Variants in HS6ST2 observed in about 807,000 individuals in gnomAD.
HS6ST2 encodes heparan-sulfate 6-O-sulfotransferase 2.
In HS6ST2, 17 loss-of-function variants were observed where a neutral mutation model predicts 33.0. The ratio of observed to expected loss-of-function variants is 0.52; its 90% CI spans 0.35 to 0.77. HS6ST2 has a LOEUF of 0.77. Among genes scored for constraint, HS6ST2 ranks in the 30% least tolerant of loss-of-function variants. The pLI is 0.01. For missense variants in HS6ST2, 519 were observed against 551.7 expected (o/e 0.94, Z 0.59); for synonymous variants, 248 against 237.1 (o/e 1.05, Z -0.42).
At chrX:132,854,393 G>C (rs762573516) in intron 2 of HS6ST2, among the ~76,000 whole-genome samples, 1 of 112,754 alleles carries the variant, frequency 8.9e-6, no homozygotes, top group East Asian at 2.8e-4. Context: ...TGTGTTTCTT[G>C]TCCTGGTATC....
chrX:132,751,942 T>C (rs1368738768), intron 2 of HS6ST2, among the ~76,000 whole-genome samples: 2 of 111,890 alleles, frequency 1.8e-5, no homozygotes, highest in Non-Finnish European at 3.8e-5. Context: ...GTGTTTGAAT[T>C]AGCTCCTTTA....
intron 2 of HS6ST2, among the ~76,000 whole-genome samples, chrX:132,769,791 T>C (rs1260600557): frequency 6.2e-5 from 6 of 97,203 alleles, no homozygotes; most frequent in Non-Finnish European, 1.3e-4. Context: ...GAACTTGCAA[T>C]TGCTTTGAAT....
At chrX:132,650,729 T>A (rs773601623) in intron 4 of HS6ST2, among the ~76,000 whole-genome samples, 17 of 83,590 alleles carry the variant, frequency 2.0e-4, no homozygotes, top group Admixed American at 4.4e-4. Context: ...GATTATTAAA[T>A]CCATAGGAGG....
chrX:132,744,438 C>T (rs111609871), intron 2 of HS6ST2, among the ~76,000 whole-genome samples: 77 of 111,823 alleles, frequency 6.9e-4, no homozygotes, highest in African/African-American at 2.4e-3. Context: ...AGTCATGGTA[C>T]CCCAGTGCAC....
chrX:132,818,611 A>T (rs1363163775), intron 2 of HS6ST2, among the ~76,000 whole-genome samples: 1 of 112,127 alleles, frequency 8.9e-6, no homozygotes, highest in Admixed American at 9.5e-5. Context: ...ATCTGTATTC[A>T]TCTGTAATGG....
At chrX:132,881,380 A>G (rs1176844576) in intron 2 of HS6ST2, among the ~76,000 whole-genome samples, 1 of 111,933 alleles carries the variant, frequency 8.9e-6, no homozygotes, top group Non-Finnish European at 1.9e-5. Context: ...ATGGCCAGTG[A>G]TGATGAGCAT....
At chrX:132,633,924 G>T (rs1003462302) in intron 4 of HS6ST2, among the ~76,000 whole-genome samples, 3 of 111,592 alleles carry the variant, frequency 2.7e-5, no homozygotes, top group African/African-American at 6.5e-5. Context: ...CCTCATTCTT[G>T]ACACCATTTC....
chrX:132,641,482 C>T (rs751327116), intron 4 of HS6ST2, among the ~76,000 whole-genome samples: 20 of 112,661 alleles, frequency 1.8e-4, no homozygotes, highest in Non-Finnish European at 3.2e-4. Context: ...AATTCGCTTA[C>T]GTTTATCGCC....
intron 2 of HS6ST2, among the ~76,000 whole-genome samples, chrX:132,911,673 C>T (rs1240252448): frequency 3.6e-5 from 1 of 27,449 alleles, no homozygotes; most frequent in Non-Finnish European, 6.9e-5. Flanking sequence ...GAGTCTCGCT[C>T]TGTTGTCCAG....
rs954804633 is a variant in HS6ST2, at chrX:132,626,132, C to T, written c.*2091G>A. On this transcript the variant is annotated 3_prime_UTR_variant, in exon 5 of 5. Transcript: ENST00000370833. ...TGAAATCATGGGATTTACATAATGG[C>T]AAAAATGTATATGTATATTTATAAC... 12 of 105,292 alleles carry T rather than the reference C, an allele frequency of 1.1e-4. No individual in the cohort carries two copies. Among genetic ancestry groups the T allele is most frequent in the Non-Finnish European group, 1.6e-4 (8 of 50,124 alleles). The allele number at this position is 105,292 out of a possible 1,213,427, so 8.7% of individuals were successfully genotyped here.
intron 2 of HS6ST2, among the ~76,000 whole-genome samples, chrX:132,878,538 A>T (rs1479003353): frequency 1.8e-5 from 2 of 111,932 alleles, no homozygotes; most frequent in East Asian, 5.6e-4. Flanking sequence ...TTCAATGTGA[A>T]TTCTAAAGTG....
intron 4 of HS6ST2, among the ~76,000 whole-genome samples, chrX:132,635,733 G>A (rs916346540): frequency 8.2e-5 from 9 of 109,899 alleles, no homozygotes; most frequent in African/African-American, 2.3e-4. Context: ...ATCATGCACA[G>A]TCCCCCTACA....
At chrX:132,879,243 A>G (rs762820269) in intron 2 of HS6ST2, among the ~76,000 whole-genome samples, 4 of 111,552 alleles carry the variant, frequency 3.6e-5, no homozygotes, top group Non-Finnish European at 7.5e-5. Context: ...ATGGGGAATT[A>G]TGACCCTGTA....
At chrX:132,906,079 T>C (rs949968839) in intron 2 of HS6ST2, among the ~76,000 whole-genome samples, 4 of 112,237 alleles carry the variant, frequency 3.6e-5, no homozygotes, top group Non-Finnish European at 7.5e-5. Flanking sequence ...AGGTTTTGAT[T>C]GCAATTACAC....
At chrX:132,777,212 G>A (rs2064969077) in intron 2 of HS6ST2, among the ~76,000 whole-genome samples, 1 of 107,199 alleles carries the variant, frequency 9.3e-6, no homozygotes, top group South Asian at 4.3e-4. Flanking sequence ...GTTGAGAAGG[G>A]TTGTCTCTTC....
At position 132,911,638 on chromosome X, in the gene HS6ST2, C is replaced by CTT. The variant is rs767104982; in HGVS notation, c.947+45168_947+45169dup. Among the ~76,000 whole-genome samples the CTT allele has an allele frequency of 7.2e-4, 66 of 91,933 alleles. 1 individual carries two copies. Among genetic ancestry groups the CTT allele is most frequent in the African/African-American group, 1.8e-3 (43 of 23,911 alleles). The allele number at this position is 91,933 out of a possible 115,157, so 79.8% of individuals were successfully genotyped here. ...GAGCTGCCTTTCGTGAGCACACACT[C>CTT]TTTTTTTTTTTTTTTTTTGAGACGG... is the stretch of plus-strand genomic sequence containing the variant. On this transcript the variant is annotated intron_variant, in intron 2 of 4. Transcript: ENST00000370833.
Position 132,787,167 on chromosome X carries a change from GTATATATATATATATATATACA to G in HS6ST2, c.948-78695_948-78674del, listed in dbSNP as rs1245812431. Among the ~76,000 whole-genome samples, 348 of 51,358 alleles carry G rather than the reference GTATATATATATATATATATACA, an allele frequency of 6.8e-3. 10 individuals are homozygous for G. Among genetic ancestry groups the G allele is most frequent in the African/African-American group, 0.032 (322 of 10,083 alleles). The allele number at this position is 51,358 out of a possible 115,157, so 44.6% of individuals were successfully genotyped here. On this transcript the variant is annotated intron_variant, in intron 2 of 4. Transcript: ENST00000370833. Reference sequence around the variant, plus strand: ...AAAGTGTGTGTGTGTATATATATATGTATATATATATATATATATACATATATATATACACATATATATATAC... The same window carrying G: ...AAAGTGTGTGTGTGTATATATATATGTATATATATACACATATATATATAC...
intron 2 of HS6ST2, among the ~76,000 whole-genome samples, chrX:132,833,574 G>A (rs1438756882): frequency 9.0e-6 from 1 of 110,857 alleles, no homozygotes; most frequent in Non-Finnish European, 1.9e-5. Context: ...ATGCCCTCAG[G>A]CTGCAGCCAG....
intron 2 of HS6ST2, among the ~76,000 whole-genome samples, chrX:132,915,314 T>C: frequency 8.9e-6 from 1 of 112,200 alleles, no homozygotes. Flanking sequence ...TGACACGGGG[T>C]TTCTGGGATA....
Sources: allele counts gnomAD v4.1 joint callset (sites outside exome capture counted in the v4.1 genomes callset), GRCh38; gene constraint gnomAD v4.1.1; transcripts MANE v1.5; gene names NCBI Gene and HGNC (gene_info 2026-07-23, HGNC 2026-07-21).